BRD10: variants seen among roughly 807,000 people sequenced by gnomAD.
BRD10 encodes bromodomain containing 10, also known as uncharacterized bromodomain-containing protein 10.
At chr9:6,001,490 C>A in the BRD10 span, among the ~76,000 whole-genome samples, 1 of 152,212 alleles carries the variant, frequency 6.6e-6, no homozygotes, top group Admixed American at 6.5e-5. Context: ...CCCTAGACTA[C>A]TCTGTACTCT....
chr9:5,897,531 G>C, the BRD10 span: 14 of 1,588,834 alleles, frequency 8.8e-6, no homozygotes, highest in Non-Finnish European at 1.2e-5. Flanking sequence ...CAATGACAAA[G>C]TGGATTTGTC....
At chr9:5,922,870 A>G in the BRD10 span, 2,644 of 1,613,854 alleles carry the variant, frequency 1.6e-3, 4 homozygotes, top group Non-Finnish European at 2.1e-3. Flanking sequence ...TTGCTTCCGG[A>G]GGAGATAAAA....
At chr9:5,907,869 C>A in the BRD10 span, among the ~76,000 whole-genome samples, 4 of 152,232 alleles carry the variant, frequency 2.6e-5, no homozygotes, top group African/African-American at 9.6e-5. Flanking sequence ...AGGAGAATCA[C>A]TTGAACCCGG....
the BRD10 span, chr9:6,007,061 T>TC: frequency 1.1e-6 from 1 of 875,832 alleles, no homozygotes; most frequent in Admixed American, 2.8e-5. Flanking sequence ...CCGCTCCTCC[T>TC]CCCGGGCTTC....
At chr9:5,974,708 T>C in the BRD10 span, among the ~76,000 whole-genome samples, 1 of 152,138 alleles carries the variant, frequency 6.6e-6, no homozygotes, top group Non-Finnish European at 1.5e-5. Context: ...TCTACAGATG[T>C]GCAGAGGATC....
the BRD10 span, among the ~76,000 whole-genome samples, chr9:5,885,513 G>A: frequency 2.0e-5 from 3 of 152,040 alleles, no homozygotes; most frequent in Non-Finnish European, 2.9e-5. Context: ...TGGGATTACA[G>A]GCATGCACCA....
chr9:5,919,543 A>AATACACACACACACAC, the BRD10 span: 1 of 368,788 alleles, frequency 2.7e-6, no homozygotes, highest in Non-Finnish European at 4.7e-6. Flanking sequence ...GATACATTAA[A>AATACACACACACACAC]ACACACACAC....
the BRD10 span, among the ~76,000 whole-genome samples, chr9:5,977,127 C>T: frequency 1.3e-5 from 2 of 152,166 alleles, no homozygotes; most frequent in Non-Finnish European, 2.9e-5. Flanking sequence ...ACACAGTTTG[C>T]CTGGTAGGCC....
At chr9:5,995,243 G>A in the BRD10 span, among the ~76,000 whole-genome samples, 3 of 152,124 alleles carry the variant, frequency 2.0e-5, no homozygotes, top group African/African-American at 2.4e-5. Flanking sequence ...TCACTTTCTC[G>A]CAGGTGACTG....
the BRD10 span, among the ~76,000 whole-genome samples, chr9:5,934,867 A>C: frequency 2.0e-5 from 3 of 152,226 alleles, no homozygotes; most frequent in Non-Finnish European, 2.9e-5. Flanking sequence ...ATAAACTGTA[A>C]CTAAGTATTT....
chr9:5,889,359 AGCAGGATGCAGAAAAT>A, the BRD10 span, among the ~76,000 whole-genome samples: 7 of 152,376 alleles, frequency 4.6e-5, no homozygotes, highest in South Asian at 1.4e-3. Flanking sequence ...TTCCACAACC[AGCAGGATGCAGAAAAT>A]GCTTTCCAAG....
the BRD10 span, among the ~76,000 whole-genome samples, chr9:5,976,774 CAA>C: frequency 4.3e-4 from 49 of 113,886 alleles, no homozygotes; most frequent in Non-Finnish European, 5.3e-4. Flanking sequence ...GAAAGGACAG[CAA>C]AAAAAAAAAA....
At chr9:6,004,752 T>C in the BRD10 span, among the ~76,000 whole-genome samples, 5 of 152,224 alleles carry the variant, frequency 3.3e-5, no homozygotes, top group Non-Finnish European at 5.9e-5. Flanking sequence ...GAACACTCTA[T>C]AGAATATTGT....
the BRD10 span, chr9:6,007,396 T>G: frequency 6.2e-7 from 1 of 1,610,130 alleles, no homozygotes; most frequent in South Asian, 1.1e-5. Flanking sequence ...TCCGGGCTGC[T>G]GCGGGAAGGC....
the BRD10 span, among the ~76,000 whole-genome samples, chr9:5,883,720 C>T: frequency 2.0e-5 from 3 of 152,158 alleles, no homozygotes; most frequent in African/African-American, 7.2e-5. Flanking sequence ...AACCCTCTCA[C>T]TTCAGCCTCT....
the BRD10 span, among the ~76,000 whole-genome samples, chr9:5,993,696 T>A: frequency 6.6e-6 from 1 of 152,152 alleles, no homozygotes; most frequent in African/African-American, 2.4e-5. Flanking sequence ...TAGGAATAAA[T>A]ATGTCTGTCC....
the BRD10 span, chr9:5,953,920 G>A: frequency 1.4e-6 from 1 of 721,496 alleles, no homozygotes; most frequent in Non-Finnish European, 2.4e-6. Context: ...AAGTAAGTGT[G>A]CTACAGTTTC....
At chr9:5,963,972 G>C in the BRD10 span, among the ~76,000 whole-genome samples, 1 of 151,780 alleles carries the variant, frequency 6.6e-6, no homozygotes, top group Admixed American at 6.6e-5. Context: ...ACCTAGGCAT[G>C]ACCATTCAGG....
At chr9:5,883,775 A>G in the BRD10 span, among the ~76,000 whole-genome samples, 84 of 151,972 alleles carry the variant, frequency 5.5e-4, no homozygotes, top group African/African-American at 1.9e-3. Flanking sequence ...CCCACCCCCT[A>G]TTCCTTCTTA....
Sources: allele counts gnomAD v4.1 joint callset (sites outside exome capture counted in the v4.1 genomes callset), GRCh38; gene constraint gnomAD v4.1.1; transcripts MANE v1.5; gene names NCBI Gene and HGNC (gene_info 2026-07-23, HGNC 2026-07-21).